Variants in GCNT4 observed in about 807,000 individuals in gnomAD.
GCNT4 encodes the protein glucosaminyl (N-acetyl) transferase 4, also known as beta-1,3-galactosyl-O-glycosyl-glycoprotein beta-1,6-N-acetylglucosaminyltransferase 4.
GCNT4 carries 17 observed loss-of-function variants against 31.3 expected under a neutral mutation model. That is an observed-to-expected ratio of 0.54 (90% CI 0.37 to 0.81). The LOEUF (loss-of-function observed/expected upper bound fraction) is 0.81. Ranked by LOEUF, GCNT4 falls within the 40% of genes least tolerant of loss-of-function variation. The probability of loss-of-function intolerance (pLI) is 0.00; values close to 1 mark genes in which losing one functional copy is unlikely to be tolerated. For synonymous variants in GCNT4, 158 were observed against 190.6 expected, an observed-to-expected ratio of 0.83 and a Z score of 1.41; for missense variants, 503 against 525.5, an observed-to-expected ratio of 0.96 and a Z score of 0.42.
chr5:75,048,954 C>T (rs1048445667), intron 2 of GCNT4, among the ~76,000 whole-genome samples: 1 of 152,128 alleles, frequency 6.6e-6, no homozygotes, highest in Non-Finnish European at 1.5e-5. Context: ...GGTTCCCAGG[C>T]GATGCTGATG....
intron 3 of GCNT4, among the ~76,000 whole-genome samples, chr5:75,035,757 C>T (rs554247044): frequency 6.2e-4 from 95 of 152,258 alleles, no homozygotes; most frequent in African/African-American, 2.1e-3. Context: ...GGGCAGGCCG[C>T]CATCTTTGCT....
At position 75,028,018 on chromosome 5, in the gene GCNT4, C is replaced by T. The variant is rs951255379; in HGVS notation, c.*658G>A. 6.8e-6 allele frequency: 1 copy of T among 147,218 alleles called. No individual in the cohort carries two copies. The allele number at this position is 147,218 out of a possible 1,614,324, so 9.1% of individuals were successfully genotyped here. A position where few individuals can be genotyped will look rare whatever the true frequency, so the allele number is the denominator to read the frequency against. On this transcript the variant is annotated 3_prime_UTR_variant, in exon 4 of 4. Transcript: ENST00000652361. ...CCTGTCCCAACCCACATCCTCACCC[C>T]CTTCCTTAACTTTCATACATTATAA... is the stretch of plus-strand genomic sequence containing the variant.
intron 3 of GCNT4, among the ~76,000 whole-genome samples, chr5:75,039,311 C>G (rs1376645190): frequency 6.6e-6 from 1 of 152,138 alleles, no homozygotes; most frequent in African/African-American, 2.4e-5. Context: ...CCAGGTTGGT[C>G]TCGAACTCTT....
intron 3 of GCNT4, chr5:75,030,283 G>A: frequency 2.2e-6 from 1 of 454,810 alleles, no homozygotes; most frequent in Admixed American, 4.1e-5. Context: ...AAACAGAAGG[G>A]AAGGTAATGT....
rs1248397463 is a variant in GCNT4 at position 75,028,371 on chromosome 5, C to T, written c.*305G>A. 5 of 306,486 alleles carry T rather than the reference C, an allele frequency of 1.6e-5. No homozygotes were observed. The highest frequency in any genetic ancestry group is 1.0e-3 in the Middle Eastern group (1 of 992). The allele number at this position is 306,486 out of a possible 1,614,324, so 19.0% of individuals were successfully genotyped here. ...CGAGGTTGCTATGATGAGGATAAGC[C>T]GCAGTCTCTAAAAAAGTGCCTGTCA... On this transcript the variant is annotated 3_prime_UTR_variant, in exon 4 of 4. Transcript: ENST00000652361.
At chr5:75,046,625 A>G (rs910138998) in intron 3 of GCNT4, among the ~76,000 whole-genome samples, 2 of 152,156 alleles carry the variant, frequency 1.3e-5, no homozygotes, top group African/African-American at 4.8e-5. Context: ...CCAAGAAGCA[A>G]TTCTCCAAAG....
intron 3 of GCNT4, among the ~76,000 whole-genome samples, chr5:75,041,500 A>G (rs1743317991): frequency 6.6e-6 from 1 of 152,250 alleles, no homozygotes; most frequent in Non-Finnish European, 1.5e-5. Flanking sequence ...GAGCATGAAA[A>G]TAATTCTATC....
intron 3 of GCNT4, among the ~76,000 whole-genome samples, chr5:75,034,537 C>T (rs1434828768): frequency 6.6e-6 from 1 of 152,210 alleles, no homozygotes; most frequent in Admixed American, 6.5e-5. Context: ...GGGCAGGAAG[C>T]AGGCAAGTGT....
chr5:75,053,363 G>T (rs1035566797), upstream of GCNT4, among the ~76,000 whole-genome samples: 18 of 152,108 alleles, frequency 1.2e-4, no homozygotes, highest in African/African-American at 3.9e-4. Flanking sequence ...GCCGCCTGGA[G>T]ATGGACGCGG....
chr5:75,052,255 A>G (rs1743589748), intron 1 of GCNT4, 28 bp from the exon 2 acceptor site: 1 of 151,634 alleles, frequency 6.6e-6, no homozygotes, highest in Admixed American at 6.6e-5. Flanking sequence ...AAAAAAAAAA[A>G]AAAAAAGAAA....
At chr5:75,053,574 G>A (rs963552542), upstream of GCNT4, among the ~76,000 whole-genome samples, 28 of 152,086 alleles carry the variant, frequency 1.8e-4, no homozygotes, top group Admixed American at 1.2e-3. Context: ...CCGCCCCGGC[G>A]GGGGCCGAGG....
chr5:75,019,836 C>G, the GCNT4 span, among the ~76,000 whole-genome samples: 3 of 152,144 alleles, frequency 2.0e-5, no homozygotes, highest in Non-Finnish European at 2.9e-5. Context: ...AGTGACAGTG[C>G]TAAATGAGAG....
At chr5:75,017,176 C>T in the GCNT4 span, among the ~76,000 whole-genome samples, 4 of 152,210 alleles carry the variant, frequency 2.6e-5, no homozygotes, top group African/African-American at 9.6e-5. Flanking sequence ...TGCATGCTTG[C>T]TCAGATTTAC....
intron 3 of GCNT4, among the ~76,000 whole-genome samples, chr5:75,037,157 T>A (rs1290383495): frequency 3.9e-5 from 6 of 152,218 alleles, no homozygotes; most frequent in African/African-American, 1.4e-4. Context: ...TCTAGTTGAA[T>A]AAGCTAACAT....
chr5:75,036,310 CAA>C (rs768635017), intron 3 of GCNT4, among the ~76,000 whole-genome samples: 11 of 152,202 alleles, frequency 7.2e-5, no homozygotes, highest in Non-Finnish European at 1.5e-4. Context: ...TCAATCCCCT[CAA>C]GAGATCGATG....
At chr5:75,019,642 G>A in the GCNT4 span, among the ~76,000 whole-genome samples, 1 of 152,110 alleles carries the variant, frequency 6.6e-6, no homozygotes, top group African/African-American at 2.4e-5. Context: ...CTTCATAAAA[G>A]CAAATGCAGA....
At position 75,028,708 on chromosome 5, in the gene GCNT4, A is replaced by G. The variant is rs761811317; in HGVS notation, c.1330T>C (p.Phe444Leu). ...DWITLPSEKL[F>L]MDRNLTTTS ...GTGGTAGTGAGATTTCTATCCATAAATAACTTTTCTGAGGGCAAAGTGATC... is the reference window on the plus strand; with the variant it reads ...GTGGTAGTGAGATTTCTATCCATAAGTAACTTTTCTGAGGGCAAAGTGATC... Residue 444 changes from phenylalanine to leucine, a missense_variant, in exon 4 of 4, where the codon TTT becomes CTT. Transcript: ENST00000652361. 4 of 1,613,130 alleles carry G rather than the reference A, an allele frequency of 2.5e-6. No homozygotes were observed. Among genetic ancestry groups the G allele is most frequent in the South Asian group, 2.2e-5 (2 of 90,874 alleles).
upstream of GCNT4, among the ~76,000 whole-genome samples, chr5:75,053,691 G>A (rs1743642761): frequency 6.6e-6 from 1 of 151,988 alleles, no homozygotes; most frequent in South Asian, 2.1e-4. Flanking sequence ...GGAGAGCGCT[G>A]AGCGGCCCCC....
chr5:75,025,334 A>G (rs1376841086), downstream of GCNT4: 1 of 152,264 alleles, frequency 6.6e-6, no homozygotes, highest in Non-Finnish European at 1.5e-5. Flanking sequence ...GAAAGCTCAT[A>G]AAGTCCAAGG....
Sources: gnomAD v4.1 joint callset for allele counts (sites outside exome capture counted in the v4.1 genomes callset) on GRCh38, gnomAD v4.1.1 for gene constraint, MANE v1.5 for transcripts, NCBI Gene and HGNC (gene_info 2026-07-23, HGNC 2026-07-21) for gene names.